Variants in RAPGEF5 observed in about 807,000 individuals in gnomAD.
RAPGEF5 encodes Rap guanine nucleotide exchange factor 5.
A neutral mutation model predicts 125.2 loss-of-function variants in RAPGEF5; 65 were observed. That is an observed-to-expected ratio of 0.52 (90% CI 0.43 to 0.64). The LOEUF is 0.64. Among genes scored for constraint, RAPGEF5 ranks in the 30% least tolerant of loss-of-function variants. RAPGEF5 has a pLI of 0.00. For missense variants in RAPGEF5, 958 were observed against 1,048.1 expected, an observed-to-expected ratio of 0.91 and a Z score of 1.19; for synonymous variants, 391 against 385.9, an observed-to-expected ratio of 1.01 and a Z score of -0.16.
At chr7:22,326,353 C>T (rs184975419) in intron 1 of RAPGEF5, among the ~76,000 whole-genome samples, 1 of 152,190 alleles carries the variant, frequency 6.6e-6, no homozygotes, top group African/African-American at 2.4e-5. Context: ...CCGGTTGCCA[C>T]CTGTTTCATA....
chr7:22,210,961 A>G (rs1344897418), intron 9 of RAPGEF5, among the ~76,000 whole-genome samples: 1 of 152,232 alleles, frequency 6.6e-6, no homozygotes, highest in Non-Finnish European at 1.5e-5. Context: ...AATACAAAAA[A>G]TAAAGACAAA....
chr7:22,331,531 G>A (rs1783916959), intron 1 of RAPGEF5, among the ~76,000 whole-genome samples: 1 of 152,064 alleles, frequency 6.6e-6, no homozygotes, highest in South Asian at 2.1e-4. Flanking sequence ...GGATCACGAG[G>A]TCAGGAGATC....
intron 20 of RAPGEF5, among the ~76,000 whole-genome samples, chr7:22,143,517 A>G (rs750752370): frequency 1.4e-4 from 22 of 152,308 alleles, no homozygotes; most frequent in Middle Eastern, 3.4e-3. Flanking sequence ...CTGTCTTTGC[A>G]GATCATTCTC....
intron 7 of RAPGEF5, among the ~76,000 whole-genome samples, chr7:22,241,628 T>C (rs1245550622): frequency 1.3e-5 from 2 of 152,254 alleles, no homozygotes; most frequent in East Asian, 3.9e-4. Flanking sequence ...TAAAAACCTA[T>C]GGGATGGATG....
At chr7:22,150,599 C>G in intron 17 of RAPGEF5, 95 bp from the exon 18 acceptor site, 2 of 1,431,600 alleles carry the variant, frequency 1.4e-6, no homozygotes, top group Non-Finnish European at 1.8e-6. Flanking sequence ...TGAAACTTGC[C>G]AAAGAAAAAT....
Position 22,222,203 on chromosome 7 carries a change from G to A in RAPGEF5, c.871-2212C>T, listed in dbSNP as rs148667505. ...GGAGGTTGCAGTGAGCTGAGATCAC[G>A]CCAGTGCACTGGACGACAGAGCGAG... On this transcript the variant is annotated intron_variant, in intron 8 of 25. Transcript: ENST00000665637. 3.3e-3 allele frequency among the ~76,000 whole-genome samples: 496 copies of A among 152,212 alleles called. 2 individuals carry two copies. Among genetic ancestry groups the A allele is most frequent in the Non-Finnish European group, 6.0e-3 (408 of 68,016 alleles).
chr7:22,153,326 C>T (rs1783690547), intron 17 of RAPGEF5, among the ~76,000 whole-genome samples: 1 of 152,164 alleles, frequency 6.6e-6, no homozygotes, highest in Non-Finnish European at 1.5e-5. Flanking sequence ...ACATAACATA[C>T]ATTTATCATA....
chr7:22,167,947 A>G (rs2128115416), intron 11 of RAPGEF5, among the ~76,000 whole-genome samples: 1 of 152,356 alleles, frequency 6.6e-6, no homozygotes, highest in Non-Finnish European at 1.5e-5. Flanking sequence ...TGCAGAATGT[A>G]AAGTGGTGAT....
intron 2 of RAPGEF5, among the ~76,000 whole-genome samples, chr7:22,316,424 CAT>C (rs1783592677): frequency 6.9e-6 from 1 of 143,932 alleles, no homozygotes; most frequent in Non-Finnish European, 1.5e-5. Flanking sequence ...CATACACACA[CAT>C]ATATACATAT....
intron 8 of RAPGEF5, among the ~76,000 whole-genome samples, chr7:22,221,683 G>A (rs910111664): frequency 5.3e-5 from 8 of 152,156 alleles, no homozygotes; most frequent in Non-Finnish European, 1.0e-4. Flanking sequence ...CTTGCCTGCC[G>A]CCATGTAAGA....
chr7:22,195,759 CAA>C (rs1785134534), intron 9 of RAPGEF5, among the ~76,000 whole-genome samples: 2 of 151,982 alleles, frequency 1.3e-5, no homozygotes, highest in Admixed American at 1.3e-4. Context: ...AACAAAAAAA[CAA>C]AAAGGCAGAA....
intron 7 of RAPGEF5, among the ~76,000 whole-genome samples, chr7:22,254,804 G>A (rs1055895428): frequency 2.0e-5 from 3 of 151,916 alleles, no homozygotes; most frequent in East Asian, 1.9e-4. Flanking sequence ...TAAGGAGCAC[G>A]CAACCTAGAT....
At chr7:22,193,855 A>G in intron 10 of RAPGEF5, 60 bp downstream of exon 10, 1 of 1,611,916 alleles carries the variant, frequency 6.2e-7, no homozygotes, top group Non-Finnish European at 8.5e-7. Flanking sequence ...AGGGAAGGGA[A>G]GGCAGGCAGG....
intron 1 of RAPGEF5, among the ~76,000 whole-genome samples, chr7:22,345,870 CCAAA>C (rs1410413002): frequency 5.3e-5 from 8 of 152,088 alleles, no homozygotes; most frequent in Non-Finnish European, 8.8e-5. Context: ...CTGTTTATGG[CCAAA>C]CAAACCATTT....
rs372885486 is a variant in RAPGEF5 at position 22,125,592 on chromosome 7, T to A, written c.2536+12A>T. 79 of 1,605,254 alleles carry A rather than the reference T, an allele frequency of 4.9e-5. No individual in the cohort carries two copies. The Middle Eastern group carries it at 4.9e-4, about 10-fold the overall frequency. ...GTCAATTTACATTCCGCACCTGACT[T>A]CAATTACTCACCAAACTGGTTAGTC... is the stretch of plus-strand genomic sequence containing the variant. On this transcript the variant is annotated intron_variant, in intron 25 of 25. Coordinates refer to ENST00000665637, the MANE Select transcript of RAPGEF5 (RefSeq NM_012294.5).
intron 9 of RAPGEF5, among the ~76,000 whole-genome samples, chr7:22,202,710 T>C (rs377512679): frequency 2.0e-5 from 3 of 152,204 alleles, no homozygotes; most frequent in East Asian, 1.9e-4. Context: ...ACTCAGATGA[T>C]GGCAGCCCTT....
intron 11 of RAPGEF5, among the ~76,000 whole-genome samples, chr7:22,187,394 C>T (rs1271749879): frequency 6.6e-6 from 1 of 152,104 alleles, no homozygotes; most frequent in African/African-American, 2.4e-5. Flanking sequence ...ACTTTAGAAT[C>T]TCATTTTAGT....
chr7:22,167,507 G>A (rs1784208872), intron 11 of RAPGEF5, among the ~76,000 whole-genome samples: 1 of 152,128 alleles, frequency 6.6e-6, no homozygotes, highest in African/African-American at 2.4e-5. Flanking sequence ...AGACTTCTGA[G>A]GTGTACACTC....
intron 24 of RAPGEF5, among the ~76,000 whole-genome samples, chr7:22,126,083 G>T (rs1228893629): frequency 6.6e-6 from 1 of 152,182 alleles, no homozygotes; most frequent in Non-Finnish European, 1.5e-5. Flanking sequence ...CTGGGAGGCG[G>T]AGGTGCAGTG....
Sources: gnomAD v4.1 joint callset for allele counts (sites outside exome capture counted in the v4.1 genomes callset) on GRCh38, gnomAD v4.1.1 for gene constraint, MANE v1.5 for transcripts, NCBI Gene and HGNC (gene_info 2026-07-23, HGNC 2026-07-21) for gene names.